Variants in TBPL1 observed in about 807,000 individuals in gnomAD.
TBPL1 encodes TATA-box binding protein like 1.
In TBPL1, 4 loss-of-function variants were observed where a neutral mutation model predicts 22.1. That is an observed-to-expected ratio of 0.18 (90% CI 0.09 to 0.41). TBPL1 has a LOEUF of 0.41. Ranked by LOEUF, TBPL1 falls within the 10% of genes least tolerant of loss-of-function variation. The pLI, the probability that TBPL1 is intolerant of heterozygous loss-of-function variation, is 1.00. For missense variants in TBPL1, 115 were observed against 222.3 expected, an observed-to-expected ratio of 0.52 and a Z score of 3.07; for synonymous variants, 64 against 71.0, an observed-to-expected ratio of 0.90 and a Z score of 0.50.
At chr6:133,980,288 C>T in intron 2 of TBPL1, 28 bp downstream of exon 2, 3 of 1,567,506 alleles carry the variant, frequency 1.9e-6, no homozygotes, top group Non-Finnish European at 2.6e-6. Flanking sequence ...CGTATTTGTA[C>T]TACATAGCCT....
chr6:133,978,565 A>T (rs929560739), intron 1 of TBPL1, among the ~76,000 whole-genome samples: 4 of 152,198 alleles, frequency 2.6e-5, no homozygotes, highest in African/African-American at 7.2e-5. Flanking sequence ...CACTCCTCAT[A>T]CGTAAAAATT....
chr6:133,971,527 A>G (rs993788952), intron 1 of TBPL1, among the ~76,000 whole-genome samples: 3 of 152,118 alleles, frequency 2.0e-5, no homozygotes, highest in Non-Finnish European at 4.4e-5. Context: ...TTACTATCCT[A>G]CCAACAGTGT....
chr6:133,980,758 T>C (rs1171369268), intron 2 of TBPL1, among the ~76,000 whole-genome samples: 2 of 151,718 alleles, frequency 1.3e-5, no homozygotes, highest in African/African-American at 2.4e-5. Context: ...TTTTAAAGCC[T>C]GAATATTAAT....
rs1229100828 is a variant in TBPL1 at position 133,985,276 on chromosome 6, T to TAAAAA, written c.481+623_481+627dup. Among the ~76,000 whole-genome samples, 28 of 12,918 alleles carry TAAAAA rather than the reference T, an allele frequency of 2.2e-3. 8 individuals carry two copies. The highest frequency in any genetic ancestry group is 2.7e-3 in the African/African-American group (4 of 1,456). 8.5% of individuals were successfully genotyped at this position (12,918 alleles called of 152,430 possible). A position where few individuals can be genotyped will look rare whatever the true frequency, so the allele number is the denominator to read the frequency against. The stretch of plus-strand genomic sequence containing the variant: ...ACTGGCAACAGAGTGAGACTCTGTC[T>TAAAAA]AAAAAAAAAAAAAAAAAAAAAATAT... On this transcript the variant is annotated intron_variant, in intron 6 of 6. Transcript: ENST00000237264.
chr6:133,984,249 TA>T, intron 4 of TBPL1, 126 bp from the exon 5 acceptor site: 1 of 683,338 alleles, frequency 1.5e-6, no homozygotes, highest in Non-Finnish European at 2.5e-6. Flanking sequence ...CTTACAGTAC[TA>T]AACATACACT....
At chr6:133,972,666 A>G (rs1368262226) in intron 1 of TBPL1, among the ~76,000 whole-genome samples, 1 of 143,510 alleles carries the variant, frequency 7.0e-6, no homozygotes, top group Non-Finnish European at 1.5e-5. Context: ...TGCCTAACCT[A>G]TTATGATCTT....
rs1776476673 is a variant in TBPL1 at position 133,984,664 on chromosome 6, A to G, written c.474A>G (p.Thr158=). Residue 158 remains threonine (T), a synonymous_variant, in exon 6 of 7, where the codon ACA becomes ACG. Coordinates refer to ENST00000237264, the MANE Select transcript of TBPL1 (RefSeq NM_004865.4). Reference sequence around the variant, plus strand: ...AGATTTTTTCAACAGGAAGTATCACAGTAACAGGTATTCTATGATATTGAA... The same window carrying G: ...AGATTTTTTCAACAGGAAGTATCACGGTAACAGGTATTCTATGATATTGAA... The part of the protein sequence containing the change: ...TLQIFSTGSI[T]VTGPNVKAVA... The G allele has an allele frequency of 6.8e-6, 11 of 1,609,592 alleles. No individual in the cohort carries two copies. The highest frequency in any genetic ancestry group is 9.3e-6 in the Non-Finnish European group (11 of 1,177,518).
chr6:133,957,928 G>C (rs1171976684), intron 1 of TBPL1, among the ~76,000 whole-genome samples: 1 of 152,190 alleles, frequency 6.6e-6, no homozygotes, highest in African/African-American at 2.4e-5. Flanking sequence ...TGGATGCTTT[G>C]TTTCTTTGGT....
At chr6:133,962,548 T>G (rs1057018923) in intron 1 of TBPL1, among the ~76,000 whole-genome samples, 4 of 152,182 alleles carry the variant, frequency 2.6e-5, no homozygotes, top group African/African-American at 9.7e-5. Context: ...TAGAGCAAGA[T>G]TTCTTGAGGT....
In TBPL1 at chr6:133,980,345, A is replaced by G. The variant is rs538629625; in HGVS notation, c.135+85A>G. 1.2e-4 allele frequency: 171 copies of G among 1,415,668 alleles called. 2 individuals are homozygous for G. In the South Asian group the frequency reaches 2.7e-3, roughly 22 times the overall value. 87.7% of individuals were successfully genotyped at this position (1,415,668 alleles called of 1,614,324 possible). A position where few individuals can be genotyped will look rare whatever the true frequency, so the allele number is the denominator to read the frequency against. Reference sequence around the variant, plus strand: ...ATACTAAAATGTATTCATTCTACAGATAGTTTATGAGCACCTTACCATGTG... The same window carrying G: ...ATACTAAAATGTATTCATTCTACAGGTAGTTTATGAGCACCTTACCATGTG... On this transcript the variant is annotated intron_variant, in intron 2 of 6. Transcript: ENST00000237264.
intron 3 of TBPL1, 28 bp from the exon 4 acceptor site, chr6:133,982,789 T>C: frequency 6.2e-7 from 1 of 1,605,284 alleles, no homozygotes; most frequent in Non-Finnish European, 8.5e-7. Flanking sequence ...GTGTAACTGA[T>C]AATCTTTTTC....
intron 1 of TBPL1, among the ~76,000 whole-genome samples, chr6:133,978,239 T>G (rs572503339): frequency 6.6e-6 from 1 of 152,360 alleles, no homozygotes; most frequent in East Asian, 1.9e-4. Flanking sequence ...ATCCTCTGCC[T>G]GTTGATTTGA....
At position 133,981,459 on chromosome 6, in the gene TBPL1, T is replaced by C. The variant is rs74385823; in HGVS notation, c.136-1109T>C. Among the ~76,000 whole-genome samples, 779 of 152,256 alleles carry C rather than the reference T, an allele frequency of 5.1e-3. 4 individuals carry two copies. The highest frequency in any genetic ancestry group is 0.018 in the African/African-American group (745 of 41,550). On this transcript the variant is annotated intron_variant, in intron 2 of 6. Coordinates refer to ENST00000237264, the MANE Select transcript of TBPL1 (RefSeq NM_004865.4). Reference sequence around the variant, plus strand: ...TGCTTTGGTACTTCAGCATGACATATGGAAAGGAAGTAGTTTTTTTAAGGC... The same window carrying C: ...TGCTTTGGTACTTCAGCATGACATACGGAAAGGAAGTAGTTTTTTTAAGGC...
chr6:133,957,986 CACTG>C (rs1775955631), intron 1 of TBPL1, among the ~76,000 whole-genome samples: 1 of 152,184 alleles, frequency 6.6e-6, no homozygotes, highest in Non-Finnish European at 1.5e-5. Flanking sequence ...TCTTTCTGTT[CACTG>C]ACTATTGGAC....
At chr6:133,974,345 C>CT (rs1562662607) in intron 1 of TBPL1, among the ~76,000 whole-genome samples, 1 of 152,086 alleles carries the variant, frequency 6.6e-6, no homozygotes, top group African/African-American at 2.4e-5. Context: ...TCAGTTATTT[C>CT]TTTTTTGAGA....
chr6:133,985,398 A>G (rs1245888067), intron 6 of TBPL1, among the ~76,000 whole-genome samples: 2 of 142,798 alleles, frequency 1.4e-5, no homozygotes, highest in Non-Finnish European at 3.0e-5. Flanking sequence ...TAAATTCATG[A>G]TATCTTACAT....
intron 6 of TBPL1, 56 bp from the exon 7 acceptor site, chr6:133,986,905 C>A (rs755859992): frequency 2.0e-5 from 25 of 1,241,324 alleles, no homozygotes; most frequent in Non-Finnish European, 2.8e-5. Flanking sequence ...ATCAGTTTTT[C>A]CTAGTGCTCC....
chr6:133,973,188 C>T (rs1191799762), intron 1 of TBPL1, among the ~76,000 whole-genome samples: 1 of 152,164 alleles, frequency 6.6e-6, no homozygotes. Context: ...TGTGAGGTTA[C>T]TTTGAATGGC....
chr6:133,982,086 G>T (rs554315919), intron 2 of TBPL1, among the ~76,000 whole-genome samples: 1 of 152,234 alleles, frequency 6.6e-6, no homozygotes, highest in African/African-American at 2.4e-5. Flanking sequence ...GCAATGAAGG[G>T]ATGGGTGTTT....
Sources: gnomAD v4.1 joint callset for allele counts (sites outside exome capture counted in the v4.1 genomes callset) on GRCh38, gnomAD v4.1.1 for gene constraint, MANE v1.5 for transcripts, NCBI Gene and HGNC (gene_info 2026-07-23, HGNC 2026-07-21) for gene names.